SLC8A1: variants seen among roughly 807,000 people sequenced by gnomAD.
SLC8A1 encodes solute carrier family 8 member A1.
Under a neutral mutation model 68.3 loss-of-function variants are expected in SLC8A1, and 18 were observed. The observed-to-expected ratio is 0.26, with a 90% CI of 0.18 to 0.39. The LOEUF is 0.39. SLC8A1 is among the 10% of genes least tolerant of loss of function. The probability of loss-of-function intolerance (pLI) is 1.00; values close to 1 mark genes in which losing one functional copy is unlikely to be tolerated. For synonymous variants in SLC8A1, 475 were observed against 415.5 expected, an observed-to-expected ratio of 1.14 and a Z score of -1.74; for missense variants, 985 against 1,156.7, an observed-to-expected ratio of 0.85 and a Z score of 2.15.
chr2:40,325,664 G>A (rs144364874), intron 2 of SLC8A1, among the ~76,000 whole-genome samples: 2 of 150,942 alleles, frequency 1.3e-5, no homozygotes, highest in Non-Finnish European at 3.0e-5. Context: ...CTCTTGGGCC[G>A]GGCGCACGCC....
intron 2 of SLC8A1, among the ~76,000 whole-genome samples, chr2:40,281,098 A>G (rs2067450952): frequency 6.6e-6 from 1 of 152,210 alleles, no homozygotes; most frequent in African/African-American, 2.4e-5. Context: ...GAATGACAGT[A>G]AGATTTCACA....
intron 6 of SLC8A1, among the ~76,000 whole-genome samples, chr2:40,160,304 T>G (rs2045442256): frequency 6.6e-6 from 1 of 152,226 alleles, no homozygotes; most frequent in Non-Finnish European, 1.5e-5. Context: ...CTAGAGCCAG[T>G]GCAAACACGT....
rs532476412 is a variant in SLC8A1, at chr2:40,139,722, C to A, written c.2162-46G>T. 1.9e-6 allele frequency: 3 copies of A among 1,578,710 alleles called. No individual in the cohort carries two copies. The Admixed American group carries it at 5.1e-5, about 27-fold the overall frequency. On this transcript the variant is annotated intron_variant, in intron 6 of 7. Transcript: ENST00000406785. The stretch of plus-strand genomic sequence containing the variant: ...CACATTTCATCACAACCTGTGTTGC[C>A]GGGTCTTCCTCTCTCTCAATCTCTC...
chr2:40,401,275 T>C (rs1688644402), intron 2 of SLC8A1, among the ~76,000 whole-genome samples: 1 of 152,226 alleles, frequency 6.6e-6, no homozygotes, highest in Non-Finnish European at 1.5e-5. Flanking sequence ...ACTTGTACCA[T>C]TCTTCAAACA....
chr2:40,360,844 C>T (rs577722528), intron 2 of SLC8A1, among the ~76,000 whole-genome samples: 3 of 152,274 alleles, frequency 2.0e-5, no homozygotes, highest in African/African-American at 7.2e-5. Flanking sequence ...GCACCCTCTG[C>T]TGGGGCCACA....
chr2:40,265,605 G>C (rs1188139888), intron 2 of SLC8A1, among the ~76,000 whole-genome samples: 1 of 152,106 alleles, frequency 6.6e-6, no homozygotes, highest in African/African-American at 2.4e-5. Context: ...AGGATGGAGG[G>C]AGGCCCTTAT....
At chr2:40,441,270 A>T (rs1256186836) in intron 1 of SLC8A1, among the ~76,000 whole-genome samples, 1 of 152,186 alleles carries the variant, frequency 6.6e-6, no homozygotes, top group Non-Finnish European at 1.5e-5. Context: ...GCTCAAGGAA[A>T]TAAGGGAGGA....
chr2:40,392,050 C>G (rs1462258637), intron 2 of SLC8A1, among the ~76,000 whole-genome samples: 1 of 129,884 alleles, frequency 7.7e-6, no homozygotes, highest in Non-Finnish European at 1.6e-5. Context: ...AACAAACAAA[C>G]AAAATAAGAA....
chr2:40,451,736 A>ACCACACACAC (rs1559735616), intron 1 of SLC8A1, among the ~76,000 whole-genome samples, 168 bp downstream of exon 1: 2 of 46,414 alleles, frequency 4.3e-5, no homozygotes, highest in African/African-American at 1.5e-4. Flanking sequence ...CACACACCAC[A>ACCACACACAC]TCACACACAC....
chr2:40,479,140 G>A (rs987685214), intron 1 of SLC8A1, among the ~76,000 whole-genome samples: 2 of 152,150 alleles, frequency 1.3e-5, no homozygotes, highest in South Asian at 4.1e-4. Flanking sequence ...AATTCAGAAT[G>A]TACAAAGATT....
chr2:40,266,743 G>T (rs866371759), intron 2 of SLC8A1, among the ~76,000 whole-genome samples: 2 of 152,102 alleles, frequency 1.3e-5, no homozygotes, highest in Non-Finnish European at 2.9e-5. Context: ...TAATGGTATT[G>T]GTTAAACTGT....
intron 7 of SLC8A1, among the ~76,000 whole-genome samples, chr2:40,125,153 G>C (rs1186018939): frequency 1.3e-5 from 2 of 152,194 alleles, no homozygotes; most frequent in Non-Finnish European, 2.9e-5. Flanking sequence ...GGGAAGGAGT[G>C]AACGGCTGAA....
chr2:40,148,712 A>C (rs10184741), intron 6 of SLC8A1, among the ~76,000 whole-genome samples: 1 of 152,240 alleles, frequency 6.6e-6, no homozygotes, highest in Admixed American at 6.5e-5. Context: ...GAAAATGGGC[A>C]TAGTCAAAAC....
At chr2:40,426,049 CA>C (rs1200492900) in intron 2 of SLC8A1, among the ~76,000 whole-genome samples, 1 of 151,852 alleles carries the variant, frequency 6.6e-6, no homozygotes, top group Non-Finnish European at 1.5e-5. Flanking sequence ...AAGTCCCAGC[CA>C]AACAAATCTG....
intron 2 of SLC8A1, among the ~76,000 whole-genome samples, chr2:40,331,277 G>C (rs1048669913): frequency 3.3e-5 from 5 of 152,164 alleles, no homozygotes; most frequent in Non-Finnish European, 7.3e-5. Flanking sequence ...ATTACCACTA[G>C]TGAGAGGCTA....
At chr2:40,465,809 T>G (rs1389325028) in intron 1 of SLC8A1, among the ~76,000 whole-genome samples, 1 of 152,198 alleles carries the variant, frequency 6.6e-6, no homozygotes, top group Non-Finnish European at 1.5e-5. Context: ...AAACTTATCT[T>G]CAATGCAACA....
chr2:40,364,854 A>G (rs1179432881), intron 2 of SLC8A1, among the ~76,000 whole-genome samples: 1 of 151,440 alleles, frequency 6.6e-6, no homozygotes, highest in South Asian at 2.1e-4. Context: ...AAGTGCTGCA[A>G]TTTTTTTTTC....
intron 6 of SLC8A1, among the ~76,000 whole-genome samples, chr2:40,160,024 G>A (rs1260806009): frequency 6.6e-6 from 1 of 152,142 alleles, no homozygotes; most frequent in African/African-American, 2.4e-5. Context: ...GAGAGCCAGT[G>A]TAGATGGAGC....
intron 2 of SLC8A1, among the ~76,000 whole-genome samples, chr2:40,343,237 G>T (rs1575559391): frequency 6.6e-6 from 1 of 152,152 alleles, no homozygotes; most frequent in South Asian, 2.1e-4. Context: ...GTTTAATTAT[G>T]CATTTTCTCA....
Sources: allele counts gnomAD v4.1 joint callset (sites outside exome capture counted in the v4.1 genomes callset), GRCh38; gene constraint gnomAD v4.1.1; transcripts MANE v1.5; gene names NCBI Gene and HGNC (gene_info 2026-07-23, HGNC 2026-07-21).